The following EPB41L2 variants were observed in gnomAD, a reference collection of about 807,000 sequenced individuals.
EPB41L2 encodes band 4.1-like protein 2.
EPB41L2 carries 43 observed loss-of-function variants against 113.0 expected under a neutral mutation model. The observed-to-expected ratio is 0.38, with a 90% confidence interval of 0.30 to 0.49. The LOEUF (loss-of-function observed/expected upper bound fraction) is 0.49. Ranked by LOEUF, EPB41L2 falls within the 20% of genes least tolerant of loss-of-function variation. The pLI, the probability that EPB41L2 is intolerant of heterozygous loss-of-function variation, is 0.95. For missense variants in EPB41L2, 1,147 were observed against 1,223.4 expected (o/e 0.94, Z 0.93); for synonymous variants, 442 against 436.7 (o/e 1.01, Z -0.15).
In EPB41L2 at chr6:130,859,723, C is replaced by T. The variant is rs1045832424; in HGVS notation, c.2911-1480G>A. On this transcript the variant is annotated intron_variant, in intron 18 of 19. Transcript: ENST00000337057. ...GATACTAAACAGAAACCCTAAGCCTCGTTTCGTTTAAAAAAAGGTAAAGCT... is the reference window on the plus strand; with the variant it reads ...GATACTAAACAGAAACCCTAAGCCTTGTTTCGTTTAAAAAAAGGTAAAGCT... 1.2e-4 allele frequency among the ~76,000 whole-genome samples: 18 copies of T among 148,318 alleles called. 1 individual carries two copies. The highest frequency in any genetic ancestry group is 1.4e-4 in the Admixed American group (2 of 14,734).
chr6:130,883,979 A>G (rs1003692755), intron 12 of EPB41L2, among the ~76,000 whole-genome samples: 10 of 152,070 alleles, frequency 6.6e-5, no homozygotes, highest in Admixed American at 5.2e-4. Context: ...ACTGGCAGCT[A>G]CTTCATCTAG....
At chr6:131,015,840 A>C (rs1451579862) in intron 1 of EPB41L2, 6 of 152,074 alleles carry the variant, frequency 3.9e-5, no homozygotes, top group African/African-American at 1.2e-4. Flanking sequence ...CTATGTCTGC[A>C]TCTGTAATTT....
chr6:130,996,540 G>C (rs1226832272), intron 1 of EPB41L2, among the ~76,000 whole-genome samples: 2 of 152,148 alleles, frequency 1.3e-5, no homozygotes, highest in Non-Finnish European at 2.9e-5. Flanking sequence ...TCTTCTGTAG[G>C]CAATAAATGT....
intron 5 of EPB41L2, 110 bp downstream of exon 5, chr6:130,908,711 T>C: frequency 1.3e-6 from 1 of 763,932 alleles, no homozygotes; most frequent in East Asian, 2.7e-5. Context: ...TATTAACTTC[T>C]AAGATGGCAT....
intron 18 of EPB41L2, among the ~76,000 whole-genome samples, chr6:130,859,425 T>C (rs1293121764): frequency 1.3e-5 from 2 of 151,752 alleles, no homozygotes; most frequent in African/African-American, 2.4e-5. Flanking sequence ...GGCAGGAGAA[T>C]TGCCTGAACC....
intron 1 of EPB41L2, among the ~76,000 whole-genome samples, chr6:130,956,889 T>C (rs1471979239): frequency 6.6e-6 from 1 of 152,244 alleles, no homozygotes; most frequent in Non-Finnish European, 1.5e-5. Context: ...GTATTCTTTA[T>C]TCTGTAACAG....
chr6:130,889,230 A>G (rs12333037), intron 11 of EPB41L2, among the ~76,000 whole-genome samples: 1 of 151,812 alleles, frequency 6.6e-6, no homozygotes, highest in Non-Finnish European at 1.5e-5. Flanking sequence ...CTTTGGGTAG[A>G]AAATCATCCA....
chr6:130,963,176 C>T (rs1222368979), intron 1 of EPB41L2, among the ~76,000 whole-genome samples: 3 of 152,230 alleles, frequency 2.0e-5, no homozygotes, highest in African/African-American at 7.2e-5. Context: ...TCACATACTC[C>T]TCTCTGGCTC....
intron 18 of EPB41L2, among the ~76,000 whole-genome samples, chr6:130,859,435 C>T (rs1168935704): frequency 2.0e-5 from 3 of 150,706 alleles, no homozygotes; most frequent in South Asian, 2.1e-4. Flanking sequence ...TTGCCTGAAC[C>T]GGGAAGTGGA....
At position 130,869,607 on chromosome 6, in the gene EPB41L2, G is replaced by GGGT; in HGVS notation, c.2562_2563insACC (p.Ser854_His855insThr). The GGGT allele has an allele frequency of 6.2e-7, 1 of 1,614,102 alleles. No homozygotes were observed. Among genetic ancestry groups the GGGT allele is most frequent in the Admixed American group, 1.7e-5 (1 of 60,016 alleles). ...TGTGGCAAAACATCAATGTCAACAT[G>GGGT]GGACACCTCTCCGTTAACTTTCTGT... On this transcript the variant is annotated inframe_insertion, in exon 15 of 20. Transcript: ENST00000337057.
At position 130,869,640 on chromosome 6, in the gene EPB41L2, C is replaced by T. The variant is rs1346088981; in HGVS notation, c.2530G>A (p.Glu844Lys). ...LKQDMGEEAE[E>K]EPQKVNGEVS... ...TCTCCGTTAACTTTCTGTGGCTCTTCCTCTGCTTCTTCTCCCATGTCTTGC... is the reference window on the plus strand; with the variant it reads ...TCTCCGTTAACTTTCTGTGGCTCTTTCTCTGCTTCTTCTCCCATGTCTTGC... Residue 844 changes from glutamate (E) to lysine (K), a missense_variant, in exon 15 of 20, where the codon GAA becomes AAA. Physicochemically the swap from Glu to Lys is moderately conservative, Grantham distance 56. Coordinates refer to ENST00000337057, the MANE Select transcript of EPB41L2 (RefSeq NM_001431.4). The T allele has an allele frequency of 6.2e-7, 1 of 1,614,076 alleles. No homozygotes were observed. The highest frequency in any genetic ancestry group is 1.3e-5 in the African/African-American group (1 of 74,926).
At chr6:130,886,826 G>T (rs1791163999) in intron 11 of EPB41L2, among the ~76,000 whole-genome samples, 1 of 151,986 alleles carries the variant, frequency 6.6e-6, no homozygotes, top group South Asian at 2.1e-4. Context: ...GTAGAGATGG[G>T]GTTTCACCAT....
chr6:131,047,393 C>T (rs920863264), intron 1 of EPB41L2, among the ~76,000 whole-genome samples: 4 of 152,086 alleles, frequency 2.6e-5, no homozygotes, highest in African/African-American at 9.7e-5. Context: ...CAGTGTCTGA[C>T]ATATATTAAG....
chr6:131,012,642 C>CAGGGAATAAATGA (rs1389045774), intron 1 of EPB41L2, among the ~76,000 whole-genome samples: 3 of 151,382 alleles, frequency 2.0e-5, no homozygotes, highest in Non-Finnish European at 2.9e-5. Flanking sequence ...TAGATATCCC[C>CAGGGAATAAATGA]AATAGAAGAG....
At chr6:130,964,492 C>CA (rs34008072) in intron 1 of EPB41L2, among the ~76,000 whole-genome samples, 106,816 of 145,012 alleles carry the variant, frequency 0.74, 39,041 homozygotes, top group East Asian at 0.88. Context: ...TCCTCATAAG[C>CA]AAAAAAAAAA....
chr6:130,919,562 C>T (rs1802232933), intron 4 of EPB41L2, among the ~76,000 whole-genome samples: 1 of 152,148 alleles, frequency 6.6e-6, no homozygotes, highest in Admixed American at 6.5e-5. Flanking sequence ...TCCTTTGCCC[C>T]AGCCACGTTC....
intron 10 of EPB41L2, 88 bp downstream of exon 10, chr6:130,894,256 G>T: frequency 9.6e-7 from 1 of 1,038,490 alleles, no homozygotes; most frequent in Non-Finnish European, 1.5e-6. Flanking sequence ...CTGGGGTCAA[G>T]TGATCCTCCC....
rs567351839 is a variant in EPB41L2, at chr6:130,952,570, C to T, written c.705+2535G>A. Among the ~76,000 whole-genome samples, 5 of 152,144 alleles carry T rather than the reference C, an allele frequency of 3.3e-5. No homozygotes were observed. In the South Asian group the frequency reaches 1.0e-3, roughly 32 times the overall value. The stretch of plus-strand genomic sequence containing the variant: ...GATCTAAAACACTGTAATCCCAGCA[C>T]TTGGGAGGCCAAGGTGGGCGGATCA... On this transcript the variant is annotated intron_variant, in intron 3 of 19. Transcript: ENST00000337057.
intron 1 of EPB41L2, among the ~76,000 whole-genome samples, chr6:131,002,128 C>T (rs573484587): frequency 6.6e-6 from 1 of 152,168 alleles, no homozygotes; most frequent in African/African-American, 2.4e-5. Flanking sequence ...CTTTAACTAC[C>T]TGTTGATTCA....
Sources: gnomAD v4.1 joint callset for allele counts (sites outside exome capture counted in the v4.1 genomes callset) on GRCh38, gnomAD v4.1.1 for gene constraint, MANE v1.5 for transcripts, NCBI Gene and HGNC (gene_info 2026-07-23, HGNC 2026-07-21) for gene names.